Variants in SPATA31G1 observed in about 807,000 individuals in gnomAD.
SPATA31G1 encodes SPATA31 subfamily G member 1, also known as spermatogenesis-associated protein 31G1.
chr9:35,041,251 T>C, the SPATA31G1 span: 4 of 247,866 alleles, frequency 1.6e-5, no homozygotes, highest in South Asian at 3.6e-5. Context: ...TTAGGCTAAA[T>C]TGTGGAAGCT....
chr9:35,044,034 G>A, the SPATA31G1 span: 1 of 1,613,782 alleles, frequency 6.2e-7, no homozygotes, highest in Non-Finnish European at 8.5e-7. Flanking sequence ...TGCAGACCCA[G>A]TTTCACCTCC....
the SPATA31G1 span, chr9:35,041,952 A>G: frequency 7.1e-6 from 2 of 280,812 alleles, no homozygotes; most frequent in East Asian, 6.2e-5. Context: ...GGCACTGAAA[A>G]AATTAAGTAG....
chr9:35,045,252 C>T, the SPATA31G1 span: 2 of 1,614,110 alleles, frequency 1.2e-6, no homozygotes, highest in Non-Finnish European at 1.7e-6. Flanking sequence ...GCTTCAGCCA[C>T]AGGAGTCTGG....
the SPATA31G1 span, chr9:35,043,292 GTGGTCTGTT>G: frequency 6.2e-7 from 1 of 1,614,182 alleles, no homozygotes; most frequent in Non-Finnish European, 8.5e-7. Context: ...CTCCTCTGAA[GTGGTCTGTT>G]TGTTCTTCTG....
At chr9:35,044,513 G>C in the SPATA31G1 span, 2 of 1,614,030 alleles carry the variant, frequency 1.2e-6, no homozygotes, top group East Asian at 4.5e-5. Context: ...CTATTGTAGG[G>C]GAAATGGAGC....
the SPATA31G1 span, chr9:35,045,409 T>C: frequency 6.2e-7 from 1 of 1,614,126 alleles, no homozygotes; most frequent in Non-Finnish European, 8.5e-7. Flanking sequence ...TCTAAGGTTC[T>C]GGTCTCAGGC....
the SPATA31G1 span, chr9:35,042,107 GAA>G: frequency 8.2e-7 from 1 of 1,218,560 alleles, no homozygotes; most frequent in Non-Finnish European, 1.1e-6. Context: ...TTCACTGTGT[GAA>G]GCATGAATTG....
At chr9:35,044,785 G>A in the SPATA31G1 span, 1 of 1,614,056 alleles carries the variant, frequency 6.2e-7, no homozygotes, top group Non-Finnish European at 8.5e-7. Flanking sequence ...CAAGGCCCCA[G>A]CCCTCTGGCA....
chr9:35,043,037 A>AC, the SPATA31G1 span: 1 of 1,613,886 alleles, frequency 6.2e-7, no homozygotes, highest in African/African-American at 1.3e-5. Context: ...CTCCAGCCCC[A>AC]CCCCAGCCAT....
chr9:35,045,900 T>C, the SPATA31G1 span: 3 of 1,540,298 alleles, frequency 1.9e-6, no homozygotes, highest in Admixed American at 4.0e-5. Flanking sequence ...GCACTTGGTA[T>C]GCCAAGACCT....
the SPATA31G1 span, chr9:35,042,421 G>A: frequency 6.2e-7 from 1 of 1,614,248 alleles, no homozygotes; most frequent in Non-Finnish European, 8.5e-7. Context: ...ATTCAGAGAT[G>A]GTGGCAGCTT....
At chr9:35,045,129 T>C in the SPATA31G1 span, 18,576 of 1,614,136 alleles carry the variant, frequency 0.012, 138 homozygotes, top group Non-Finnish European at 0.014. Context: ...ACAGCAGATT[T>C]ATCCCCCCAA....
chr9:35,044,808 C>A, the SPATA31G1 span: 1 of 1,614,072 alleles, frequency 6.2e-7, no homozygotes, highest in African/African-American at 1.3e-5. Flanking sequence ...GGATCCCCTA[C>A]ACCCAGTACC....
chr9:35,045,723 C>T, the SPATA31G1 span: 10 of 1,614,104 alleles, frequency 6.2e-6, no homozygotes, highest in East Asian at 2.2e-5. Flanking sequence ...CCTGACCCCT[C>T]GCCACTGTAA....
At chr9:35,044,761 A>G in the SPATA31G1 span, 1 of 1,614,102 alleles carries the variant, frequency 6.2e-7, no homozygotes, top group African/African-American at 1.3e-5. Flanking sequence ...AATGTGCAAC[A>G]AAGAGAAGTT....
At chr9:35,043,002 G>A in the SPATA31G1 span, 1 of 1,614,156 alleles carries the variant, frequency 6.2e-7, no homozygotes, top group Non-Finnish European at 8.5e-7. Context: ...TCCTACCAAA[G>A]AAGCTCCCAC....
the SPATA31G1 span, chr9:35,042,745 G>A: frequency 5.7e-5 from 79 of 1,378,688 alleles, no homozygotes; most frequent in Non-Finnish European, 7.3e-5. Context: ...GGCCACACAC[G>A]TGGGATTAGG....
the SPATA31G1 span, chr9:35,045,024 G>A: frequency 1.2e-6 from 2 of 1,614,076 alleles, no homozygotes; most frequent in South Asian, 1.1e-5. Context: ...GCAGAGCCCT[G>A]CCTCCAGAGC....
the SPATA31G1 span, chr9:35,045,887 C>T: frequency 1.9e-6 from 3 of 1,571,800 alleles, no homozygotes; most frequent in African/African-American, 1.3e-5. Context: ...GCTGGTAATA[C>T]TAGCACTTGG....
Sources: gnomAD v4.1 joint callset for allele counts on GRCh38, gnomAD v4.1.1 for gene constraint, MANE v1.5 for transcripts, NCBI Gene and HGNC (gene_info 2026-07-23, HGNC 2026-07-21) for gene names.